The following PECR variants were observed in gnomAD, a reference collection of about 807,000 sequenced individuals.
The protein encoded by PECR is peroxisomal trans-2-enoyl-CoA reductase, also known as 2,4-dienoyl-CoA reductase-related protein.
In PECR, 30 loss-of-function variants were observed where a neutral mutation model predicts 35.3. The observed-to-expected ratio is 0.85, with a 90% CI of 0.64 to 1.15. PECR has a LOEUF of 1.15. PECR is among the 50% of genes most tolerant of loss of function. PECR has a pLI of 0.00. For synonymous variants in PECR, 148 were observed against 138.9 expected (o/e 1.07, Z -0.46); for missense variants, 392 against 370.8 (o/e 1.06, Z -0.47).
intron 4 of PECR, among the ~76,000 whole-genome samples, chr2:216,055,388 G>A (rs1286558087): frequency 6.7e-6 from 1 of 148,338 alleles, no homozygotes; most frequent in Admixed American, 6.8e-5. Flanking sequence ...GGTGAGCTGC[G>A]ATAGTGCCAT....
intron 7 of PECR, among the ~76,000 whole-genome samples, chr2:216,042,969 ACG>A (rs1238435575): frequency 8.7e-5 from 7 of 80,576 alleles, no homozygotes; most frequent in Middle Eastern, 5.8e-3. Context: ...ATATACACAT[ACG>A]TATATGTGTA....
chr2:216,066,549 T>C, intron 1 of PECR, 31 bp from the exon 2 acceptor site: 1 of 1,605,544 alleles, frequency 6.2e-7, no homozygotes, highest in Non-Finnish European at 8.5e-7. Flanking sequence ...AACAAATAAA[T>C]ATGCCTTCAT....
intron 7 of PECR, among the ~76,000 whole-genome samples, chr2:216,042,204 G>C (rs1559207369): frequency 1.3e-5 from 2 of 152,202 alleles, no homozygotes; most frequent in South Asian, 2.1e-4. Context: ...AGGACGCCCA[G>C]CTGGGGTCTG....
At chr2:216,079,208 CCAG>C (rs1030851368) in intron 1 of PECR, among the ~76,000 whole-genome samples, 3 of 145,160 alleles carry the variant, frequency 2.1e-5, no homozygotes, top group Non-Finnish European at 4.5e-5. Context: ...TCATACTGTG[CCAG>C]ATGTTGGAAA....
chr2:216,070,161 G>A (rs4386313), intron 1 of PECR, among the ~76,000 whole-genome samples: 1 of 152,152 alleles, frequency 6.6e-6, no homozygotes, highest in Admixed American at 6.5e-5. Flanking sequence ...TTTCAATACT[G>A]AGGTTTTTAA....
chr2:216,081,269 CT>C (rs1695840728), intron 1 of PECR, among the ~76,000 whole-genome samples: 1 of 152,226 alleles, frequency 6.6e-6, no homozygotes, highest in Admixed American at 6.5e-5. Flanking sequence ...TAAATGAAGT[CT>C]TCCCACGTTT....
chr2:216,029,743 A>G (rs1694651064), intron 7 of PECR, among the ~76,000 whole-genome samples: 1 of 152,256 alleles, frequency 6.6e-6, no homozygotes, highest in Non-Finnish European at 1.5e-5. Flanking sequence ...AGAATAGTCC[A>G]GTATTTCCCT....
At chr2:216,042,988 T>TACAC (rs1553560189) in intron 7 of PECR, among the ~76,000 whole-genome samples, 4 of 134,906 alleles carry the variant, frequency 3.0e-5, no homozygotes, top group African/African-American at 5.7e-5. Flanking sequence ...TGTATATATA[T>TACAC]ATACATACGT....
chr2:216,067,239 CAG>C (rs1695484792), intron 1 of PECR, among the ~76,000 whole-genome samples: 1 of 152,134 alleles, frequency 6.6e-6, no homozygotes, highest in African/African-American at 2.4e-5. Flanking sequence ...CAGAGATCTG[CAG>C]AGTCTCTCTG....
chr2:216,070,140 AAC>A lies in PECR; in HGVS notation c.125-3624_125-3623del, dbSNP rs144420200. Among the ~76,000 whole-genome samples, 1,005 of 152,316 alleles carry A rather than the reference AAC, an allele frequency of 6.6e-3. 13 individuals carry two copies. Among genetic ancestry groups the A allele is most frequent in the African/African-American group, 0.022 (925 of 41,578 alleles). ...CTCGACACACTTCACATGAAAATAA[AAC>A]AGTTTAATTTTCAATACTGAGGTTT... On this transcript the variant is annotated intron_variant, in intron 1 of 7. Coordinates refer to ENST00000265322, the MANE Select transcript of PECR (RefSeq NM_018441.6).
chr2:216,055,580 C>T lies in PECR; in HGVS notation c.506+3315G>A, dbSNP rs545274966. 9.9e-5 allele frequency among the ~76,000 whole-genome samples: 15 copies of T among 151,542 alleles called. No homozygotes were observed. In the South Asian group the frequency reaches 2.9e-3, roughly 29 times the overall value. On this transcript the variant is annotated intron_variant, in intron 4 of 7. Coordinates refer to ENST00000265322, the MANE Select transcript of PECR (RefSeq NM_018441.6). ...CTATGACTCCCAAATCCTCATCATT[C>T]TTGAGCTTTTCTTTGTAATACATAC...
intron 1 of PECR, among the ~76,000 whole-genome samples, chr2:216,079,708 A>G (rs1695790524): frequency 6.8e-6 from 1 of 146,584 alleles, no homozygotes; most frequent in Non-Finnish European, 1.5e-5. Context: ...TGGGCCGGGC[A>G]CGGTGGCTTA....
intron 5 of PECR, chr2:216,050,924 T>C (rs1310291095): frequency 7.0e-6 from 1 of 142,126 alleles, no homozygotes; most frequent in Non-Finnish European, 1.5e-5. Flanking sequence ...AAAGCCAGAA[T>C]CAAGAATCAC....
intron 7 of PECR, 62 bp from the exon 8 acceptor site, chr2:216,039,422 C>T: frequency 5.6e-6 from 5 of 891,452 alleles, no homozygotes; most frequent in Non-Finnish European, 9.6e-6. Flanking sequence ...TTCACTCCCA[C>T]CAAATCCTCT....
intron 2 of PECR, 22 bp from the exon 3 acceptor site, chr2:216,065,499 T>A (rs1287429127): frequency 6.6e-6 from 10 of 1,503,982 alleles, no homozygotes; most frequent in Non-Finnish European, 9.3e-6. Context: ...CAGTAGAAGT[T>A]ACTAAAAGGA....
chr2:216,074,377 C>T (rs1408952925), intron 1 of PECR, among the ~76,000 whole-genome samples: 2 of 151,414 alleles, frequency 1.3e-5, no homozygotes, highest in Non-Finnish European at 2.9e-5. Context: ...AACCTGGGGG[C>T]AGAGGTTGCA....
At chr2:216,059,406 C>T (rs1042699082) in intron 3 of PECR, among the ~76,000 whole-genome samples, 1 of 152,152 alleles carries the variant, frequency 6.6e-6, no homozygotes, top group South Asian at 2.1e-4. Flanking sequence ...GAGGTTCATC[C>T]ACGTTGTAAT....
intron 7 of PECR, among the ~76,000 whole-genome samples, chr2:216,043,560 T>C (rs1366808139): frequency 6.6e-6 from 1 of 152,204 alleles, no homozygotes; most frequent in African/African-American, 2.4e-5. Flanking sequence ...GTAAGCCATT[T>C]ACTGGAGGAA....
intron 4 of PECR, 32 bp downstream of exon 4, chr2:216,058,863 A>C: frequency 8.0e-7 from 1 of 1,256,574 alleles, no homozygotes; most frequent in South Asian, 1.2e-5. Flanking sequence ...AAACTCAAAG[A>C]CTTAGAAAGA....
Sources: gnomAD v4.1 joint callset for allele counts (sites outside exome capture counted in the v4.1 genomes callset) on GRCh38, gnomAD v4.1.1 for gene constraint, MANE v1.5 for transcripts, NCBI Gene and HGNC (gene_info 2026-07-23, HGNC 2026-07-21) for gene names.